The following PLXNA4 variants were observed in gnomAD, a reference collection of about 807,000 sequenced individuals.
The protein encoded by PLXNA4 is plexin-A4.
A neutral mutation model predicts 191.8 loss-of-function variants in PLXNA4; 44 were observed. The observed-to-expected ratio is 0.23, with a 90% confidence interval of 0.18 to 0.29. PLXNA4 has a LOEUF of 0.29. Among genes scored for constraint, PLXNA4 ranks in the 10% least tolerant of loss-of-function variants. PLXNA4 has a pLI of 1.00. For synonymous variants in PLXNA4, 1,082 were observed against 1,009.5 expected, an observed-to-expected ratio of 1.07 and a Z score of -1.36; for missense variants, 1,800 against 2,488.8, an observed-to-expected ratio of 0.72 and a Z score of 5.89.
chr7:132,211,889 A>T (rs1369374587), intron 9 of PLXNA4, among the ~76,000 whole-genome samples: 1 of 152,188 alleles, frequency 6.6e-6, no homozygotes, highest in Non-Finnish European at 1.5e-5. Context: ...TCCTGGGGCT[A>T]TCAGCTTTGT....
chr7:132,169,678 C>T (rs892477353), intron 21 of PLXNA4, among the ~76,000 whole-genome samples: 1 of 152,056 alleles, frequency 6.6e-6, no homozygotes, highest in Non-Finnish European at 1.5e-5. Flanking sequence ...AATGACTGCT[C>T]TAGGGGATGG....
chr7:132,531,912 A>T (rs974720824), intron 1 of PLXNA4, among the ~76,000 whole-genome samples: 1 of 152,214 alleles, frequency 6.6e-6, no homozygotes, highest in East Asian at 1.9e-4. Context: ...TTTGAGAATC[A>T]CTAATATACA....
chr7:132,194,785 C>A (rs756059469), intron 13 of PLXNA4, among the ~76,000 whole-genome samples: 1 of 152,088 alleles, frequency 6.6e-6, no homozygotes, highest in Non-Finnish European at 1.5e-5. Flanking sequence ...TTTGTTTATA[C>A]CCTTTGAAAA....
At position 132,311,193 on chromosome 7, in the gene PLXNA4, T is replaced by C. The variant is rs73723775; in HGVS notation, c.1372-12971A>G. Among the ~76,000 whole-genome samples, 444 of 89,898 alleles carry C rather than the reference T, an allele frequency of 4.9e-3. 7 individuals are homozygous for C. The highest frequency in any genetic ancestry group is 0.013 in the South Asian group (39 of 2,950). The allele number at this position is 89,898 out of a possible 152,430, so 59.0% of individuals were successfully genotyped here. On this transcript the variant is annotated intron_variant, in intron 3 of 31. Coordinates refer to ENST00000321063, the MANE Select transcript of PLXNA4 (RefSeq NM_020911.2). Reference sequence around the variant, plus strand: ...GTGTGTGTGTGTGTGTGTGTGTGTGTGCGCGTGTGGCCTAAAGGAGGGTCA... The same window carrying C: ...GTGTGTGTGTGTGTGTGTGTGTGTGCGCGCGTGTGGCCTAAAGGAGGGTCA...
At chr7:132,588,235 G>A (rs1034728410) in intron 2 of PLXNA4, among the ~76,000 whole-genome samples, 1 of 151,992 alleles carries the variant, frequency 6.6e-6, no homozygotes, top group Admixed American at 6.5e-5. Flanking sequence ...ACTACACTGT[G>A]GACATTCTGC....
At chr7:132,248,062 C>T (rs957605665) in intron 4 of PLXNA4, among the ~76,000 whole-genome samples, 2 of 152,192 alleles carry the variant, frequency 1.3e-5, no homozygotes, top group African/African-American at 4.8e-5. Flanking sequence ...TTGGGCATGG[C>T]CTCAGAACTC....
Position 132,180,606 on chromosome 7 carries a change from T to C in PLXNA4, c.3619A>G (p.Ile1207Val), listed in dbSNP as rs747985861. Residue 1207 changes from isoleucine to valine, a missense_variant, in exon 19 of 32, where the codon ATC becomes GTC. By Grantham distance (29) the Ile-to-Val change is conservative (BLOSUM62 3). Transcript: ENST00000321063. ...CTCACCATCACTTTGTGCCTGCCGA[T>C]GAGGTTGGGGGACTCGCAGAGCAGC... The part of the protein sequence containing the change: ...VQLLCESPNL[I>V]GRHKVMARVG... 3.7e-6 allele frequency: 6 copies of C among 1,614,202 alleles called. No individual in the cohort carries two copies. The highest frequency in any genetic ancestry group is 5.1e-6 in the Non-Finnish European group (6 of 1,180,032).
chr7:132,486,796 G>A (rs944712317), intron 3 of PLXNA4, among the ~76,000 whole-genome samples: 6 of 152,226 alleles, frequency 3.9e-5, no homozygotes, highest in African/African-American at 1.4e-4. Flanking sequence ...CTCTTGGTGG[G>A]GTATTGCCTG....
At chr7:132,386,670 C>G (rs1029931718) in intron 3 of PLXNA4, among the ~76,000 whole-genome samples, 5 of 152,176 alleles carry the variant, frequency 3.3e-5, no homozygotes, top group Non-Finnish European at 5.9e-5. Context: ...GTTAAACCGT[C>G]GTCTGAAATA....
intron 16 of PLXNA4, 133 bp from the exon 17 acceptor site, chr7:132,182,323 G>A (rs1796736370): frequency 7.1e-7 from 1 of 1,415,834 alleles, no homozygotes; most frequent in Non-Finnish European, 9.5e-7. Context: ...TGGGGACAAG[G>A]ATGACAAGCT....
At chr7:132,524,511 A>G (rs1256131491) in intron 1 of PLXNA4, among the ~76,000 whole-genome samples, 1 of 152,216 alleles carries the variant, frequency 6.6e-6, no homozygotes, top group East Asian at 1.9e-4. Flanking sequence ...TAAAACAGTG[A>G]AGGGCTAAAG....
intron 3 of PLXNA4, among the ~76,000 whole-genome samples, chr7:132,446,774 C>T (rs373021270): frequency 5.3e-5 from 8 of 152,320 alleles, no homozygotes; most frequent in African/African-American, 1.9e-4. Flanking sequence ...AGTCAACAAG[C>T]TAAGGTAATG....
At position 132,293,056 on chromosome 7, in the gene PLXNA4, T is replaced by C. The variant is rs541185017; in HGVS notation, c.1503+5035A>G. On this transcript the variant is annotated intron_variant, in intron 4 of 31. Coordinates refer to ENST00000321063, the MANE Select transcript of PLXNA4 (RefSeq NM_020911.2). ...CAGGGTCCAGGGTCACAAAATGAGC[T>C]TGCAGAGGTGGAGATGAGTCACAGG... 2.0e-5 allele frequency among the ~76,000 whole-genome samples: 3 copies of C among 152,206 alleles called. No homozygotes were observed. The East Asian group carries it at 5.8e-4, about 29-fold the overall frequency.
chr7:132,147,893 A>C lies in PLXNA4; in HGVS notation c.4864+7T>G, dbSNP rs766279230. Reference sequence around the variant, plus strand: ...AGGCCTCCCTAGGACACTCGGTGGGATCTTACCATATTTACTTGCTGAGGT... The same window carrying C: ...AGGCCTCCCTAGGACACTCGGTGGGCTCTTACCATATTTACTTGCTGAGGT... On this transcript the variant is annotated splice_region_variant and intron_variant, in intron 27 of 31. Coordinates refer to ENST00000321063, the MANE Select transcript of PLXNA4 (RefSeq NM_020911.2). 2 of 1,613,900 alleles carry C rather than the reference A, an allele frequency of 1.2e-6. No individual in the cohort carries two copies. The highest frequency in any genetic ancestry group is 2.7e-5 in the African/African-American group (2 of 74,864).
intron 1 of PLXNA4, among the ~76,000 whole-genome samples, chr7:132,511,497 C>A (rs566034266): frequency 6.6e-6 from 1 of 152,308 alleles, no homozygotes; most frequent in South Asian, 2.1e-4. Flanking sequence ...CTACCAGTAT[C>A]ATGAGAAAAA....
chr7:132,407,099 A>T (rs1794252055), intron 3 of PLXNA4, among the ~76,000 whole-genome samples: 1 of 152,184 alleles, frequency 6.6e-6, no homozygotes, highest in East Asian at 1.9e-4. Flanking sequence ...TGACTGATGC[A>T]CCTGCAAAGA....
In PLXNA4 at chr7:132,508,649, G is replaced by T; in HGVS notation, c.45C>A (p.Leu15=). 6.3e-7 allele frequency: 1 copy of T among 1,581,772 alleles called. No homozygotes were observed. The highest frequency in any genetic ancestry group is 8.6e-7 in the Non-Finnish European group (1 of 1,163,420). Residue 15 remains leucine, a synonymous_variant, in exon 2 of 32, where the codon CTC becomes CTA. Transcript: ENST00000321063. This position sits in a 1 kb window ranked among gnomAD's most constrained non-coding sequence, Gnocchi z 4.4. The part of the protein sequence containing the change: ...PWNWTCLLSH[L]LMVGMGSSTL... ...TGGAGGAGCCCATGCCCACCATGAG[G>T]AGGTGGGAGAGAAGGCAGGTCCAGT... is the stretch of plus-strand genomic sequence containing the variant.
At chr7:132,378,702 AT>A (rs1804762451) in intron 3 of PLXNA4, among the ~76,000 whole-genome samples, 1 of 152,176 alleles carries the variant, frequency 6.6e-6, no homozygotes, top group African/African-American at 2.4e-5. Flanking sequence ...GATAATGATT[AT>A]TGAAAAGTCC....
intron 27 of PLXNA4, 43 bp from the exon 28 acceptor site, chr7:132,146,743 C>T (rs778088508): frequency 6.2e-7 from 1 of 1,603,540 alleles, no homozygotes; most frequent in South Asian, 1.1e-5. Flanking sequence ...TGAGGCCACA[C>T]AGCCTTAGCC....
Sources: gnomAD v4.1 joint callset for allele counts (sites outside exome capture counted in the v4.1 genomes callset) on GRCh38, gnomAD v4.1.1 for gene constraint, Gnocchi (gnomAD v3.1) non-coding constraint, MANE v1.5 for transcripts, NCBI Gene and HGNC (gene_info 2026-07-23, HGNC 2026-07-21) for gene names.